Variants in MAP2K5 observed in about 807,000 individuals in gnomAD.
MAP2K5 encodes the protein mitogen-activated protein kinase kinase 5.
A neutral mutation model predicts 83.1 loss-of-function variants in MAP2K5; 49 were observed. That is an observed-to-expected ratio of 0.59 (90% CI 0.47 to 0.75). MAP2K5 has a LOEUF of 0.75. MAP2K5 is among the 30% of genes least tolerant of loss of function. The pLI is 0.00. For missense variants in MAP2K5, 457 were observed against 557.5 expected (o/e 0.82, Z 1.82); for synonymous variants, 202 against 191.8 (o/e 1.05, Z -0.44).
intron 17 of MAP2K5, among the ~76,000 whole-genome samples, chr15:67,737,499 A>G (rs1428135530): frequency 6.6e-6 from 1 of 152,198 alleles, no homozygotes; most frequent in Non-Finnish European, 1.5e-5. Flanking sequence ...CTAAAATGTT[A>G]ATGATGCTAA....
At chr15:67,729,103 C>G (rs2089166181) in intron 17 of MAP2K5, among the ~76,000 whole-genome samples, 1 of 152,194 alleles carries the variant, frequency 6.6e-6, no homozygotes, top group Non-Finnish European at 1.5e-5. Flanking sequence ...ATCTAAAATG[C>G]AGTTGCTTGG....
chr15:67,555,112 T>G lies in MAP2K5; in HGVS notation c.184+5030T>G, dbSNP rs1336839500. On this transcript the variant is annotated intron_variant, in intron 2 of 21. Coordinates refer to ENST00000178640, the MANE Select transcript of MAP2K5 (RefSeq NM_145160.3). This position sits in a 1 kb window ranked among gnomAD's most constrained non-coding sequence, Gnocchi z 5.2. ...CTTTTGGGCTGATGGTCCTAAACCT[T>G]GTTTTCTTATTAAAAGGACCTCTTT... Among the ~76,000 whole-genome samples the G allele has an allele frequency of 6.6e-6, 1 of 152,174 alleles. No homozygotes were observed. The highest frequency in any genetic ancestry group is 2.4e-5 in the African/African-American group (1 of 41,442).
chr15:67,723,251 G>A (rs1437584677), intron 16 of MAP2K5, among the ~76,000 whole-genome samples: 3 of 151,862 alleles, frequency 2.0e-5, no homozygotes, highest in Admixed American at 6.6e-5. Context: ...TATATATTTG[G>A]CAATTGTTAT....
intron 21 of MAP2K5, among the ~76,000 whole-genome samples, chr15:67,773,134 T>G (rs2090173519): frequency 6.6e-6 from 1 of 152,184 alleles, no homozygotes; most frequent in Admixed American, 6.5e-5. Flanking sequence ...CATGGAGTCC[T>G]CTTAGATTCA....
At chr15:67,627,067 A>G (rs1361837475) in intron 8 of MAP2K5, among the ~76,000 whole-genome samples, 2 of 152,044 alleles carry the variant, frequency 1.3e-5, no homozygotes, top group African/African-American at 4.8e-5. Context: ...TGTAGTCCCT[A>G]CAGGGGGACT....
rs372224789 is a variant in MAP2K5, at chr15:67,696,413, G to A, written c.972+2845G>A. 9.9e-5 allele frequency among the ~76,000 whole-genome samples: 15 copies of A among 152,228 alleles called. No homozygotes were observed. The East Asian group carries it at 2.9e-3, about 29-fold the overall frequency. On this transcript the variant is annotated intron_variant, in intron 15 of 21. Transcript: ENST00000178640. ...GTAGTTGTGACATTTGCAGCAGAAA[G>A]TATATGGCTCATAACATGAAAAATA...
At chr15:67,623,287 TATA>T (rs1468680987) in intron 8 of MAP2K5, among the ~76,000 whole-genome samples, 1 of 152,164 alleles carries the variant, frequency 6.6e-6, no homozygotes, top group Non-Finnish European at 1.5e-5. Context: ...TGAATAAACT[TATA>T]GTAGTGGGCA....
chr15:67,543,274 C>T lies in MAP2K5; in HGVS notation c.-62C>T. 2.5e-6 allele frequency: 4 copies of T among 1,589,620 alleles called. No individual in the cohort carries two copies. Among genetic ancestry groups the T allele is most frequent in the Non-Finnish European group, 3.4e-6 (4 of 1,159,914 alleles). On this transcript the variant is annotated 5_prime_UTR_variant, in exon 1 of 22. Transcript: ENST00000178640. The surrounding 1 kb of genome is among the most constrained non-coding windows in gnomAD (Gnocchi z 4.3). The stretch of plus-strand genomic sequence containing the variant: ...ACTCCCCTTGTCACCTCTTGGAGCC[C>T]CCTCCTAACCAGCGGCCAGTGGGTT...
At chr15:67,645,718 A>ATT (rs779547659) in intron 9 of MAP2K5, among the ~76,000 whole-genome samples, 14 of 142,028 alleles carry the variant, frequency 9.9e-5, no homozygotes, top group Admixed American at 1.4e-4. Context: ...CACACAGGTA[A>ATT]TTTTTTTTTT....
chr15:67,642,403 G>C, intron 9 of MAP2K5: 1 of 1,600,178 alleles, frequency 6.2e-7, no homozygotes. Context: ...TAATCTTGAG[G>C]CTTCTGTTTT....
chr15:67,609,992 G>C (rs979965873), intron 8 of MAP2K5, among the ~76,000 whole-genome samples: 1 of 152,072 alleles, frequency 6.6e-6, no homozygotes, highest in Non-Finnish European at 1.5e-5. Context: ...TTGCTAAGAA[G>C]GTATGTTACC....
At chr15:67,711,671 GCACACACA>G (rs72106715) in intron 16 of MAP2K5, among the ~76,000 whole-genome samples, 123,862 of 150,956 alleles carry the variant, frequency 0.82, 50,949 homozygotes, top group Admixed American at 0.88. Flanking sequence ...AGGCGTGCAC[GCACACACA>G]CACACACACA....
chr15:67,742,187 G>T (rs551676191), intron 17 of MAP2K5, among the ~76,000 whole-genome samples: 1 of 152,140 alleles, frequency 6.6e-6, no homozygotes, highest in African/African-American at 2.4e-5. Flanking sequence ...CACTGCGCCC[G>T]GCCAAGAAAG....
intron 9 of MAP2K5, among the ~76,000 whole-genome samples, chr15:67,635,298 CCG>C (rs2086576906): frequency 6.6e-6 from 1 of 151,784 alleles, no homozygotes; most frequent in Admixed American, 6.6e-5. Flanking sequence ...CCTCAGCCTC[CCG>C]AGTAGCTGGG....
At chr15:67,727,300 G>C (rs1018484658) in intron 16 of MAP2K5, among the ~76,000 whole-genome samples, 16 of 152,186 alleles carry the variant, frequency 1.1e-4, no homozygotes, top group Non-Finnish European at 1.5e-4. Flanking sequence ...TAAGTGACTG[G>C]CTCAGAAACA....
At chr15:67,641,833 C>T (rs888684096) in intron 9 of MAP2K5, among the ~76,000 whole-genome samples, 2 of 152,112 alleles carry the variant, frequency 1.3e-5, no homozygotes, top group African/African-American at 4.8e-5. Context: ...TTTGCCATTG[C>T]CTTCAAATAA....
At chr15:67,693,619 A>T in intron 15 of MAP2K5, 51 bp downstream of exon 15, 1 of 1,313,546 alleles carries the variant, frequency 7.6e-7, no homozygotes, top group East Asian at 2.3e-5. Context: ...CTTTATCTTT[A>T]TGTACTTGGT....
At chr15:67,684,087 A>G (rs2087888134) in intron 13 of MAP2K5, among the ~76,000 whole-genome samples, 1 of 152,230 alleles carries the variant, frequency 6.6e-6, no homozygotes, top group African/African-American at 2.4e-5. Context: ...GAAAGGCAAG[A>G]ACATGCAGAG....
In MAP2K5 at chr15:67,705,371, A is replaced by G. The variant is rs575661356; in HGVS notation, c.1044+1963A>G. 2.6e-5 allele frequency among the ~76,000 whole-genome samples: 4 copies of G among 152,214 alleles called. No individual in the cohort carries two copies. In the South Asian group the frequency reaches 8.3e-4, roughly 32 times the overall value. ...TTGGCAAGGGCTGGGGCATGAGGGG[A>G]AGGACAGAGAACAAAGGGATAACTA... On this transcript the variant is annotated intron_variant, in intron 16 of 21. Coordinates refer to ENST00000178640, the MANE Select transcript of MAP2K5 (RefSeq NM_145160.3).
Sources: allele counts gnomAD v4.1 joint callset (sites outside exome capture counted in the v4.1 genomes callset), GRCh38; gene constraint gnomAD v4.1.1; non-coding constraint Gnocchi (gnomAD v3.1); transcripts MANE v1.5; gene names NCBI Gene and HGNC (gene_info 2026-07-23, HGNC 2026-07-21).